Variants in OXSR1 observed in about 807,000 individuals in gnomAD.
OXSR1 encodes oxidative stress responsive kinase 1, also known as serine/threonine-protein kinase OSR1.
In OXSR1, 24 loss-of-function variants were observed where a neutral mutation model predicts 79.8. The observed-to-expected ratio is 0.30, with a 90% CI of 0.22 to 0.42. The LOEUF (loss-of-function observed/expected upper bound fraction) is 0.42, where lower values mean the gene tolerates loss of function less well. OXSR1 is among the 10% of genes least tolerant of loss of function. The pLI, the probability that OXSR1 is intolerant of heterozygous loss-of-function variation, is 1.00. For missense variants in OXSR1, 430 were observed against 618.4 expected (o/e 0.70, Z 3.23); for synonymous variants, 226 against 209.2 (o/e 1.08, Z -0.69).
At chr3:38,242,419 T>C (rs1302311888) in intron 11 of OXSR1, among the ~76,000 whole-genome samples, 2 of 152,200 alleles carry the variant, frequency 1.3e-5, no homozygotes, top group Non-Finnish European at 2.9e-5. Flanking sequence ...ATACATAATA[T>C]GTTCACGATT....
At chr3:38,231,556 T>G (rs1334772207) in intron 10 of OXSR1, among the ~76,000 whole-genome samples, 1 of 152,168 alleles carries the variant, frequency 6.6e-6, no homozygotes, top group Non-Finnish European at 1.5e-5. Flanking sequence ...CTCTATCCCT[T>G]TACCCTACTT....
intron 1 of OXSR1, among the ~76,000 whole-genome samples, chr3:38,170,079 C>G (rs775227593): frequency 5.3e-5 from 8 of 151,960 alleles, no homozygotes; most frequent in Non-Finnish European, 1.0e-4. Flanking sequence ...GAGTCTTACT[C>G]TGTCGCCCAG....
At chr3:38,196,034 G>A (rs1023660777) in intron 3 of OXSR1, among the ~76,000 whole-genome samples, 3 of 152,138 alleles carry the variant, frequency 2.0e-5, no homozygotes, top group Non-Finnish European at 4.4e-5. Flanking sequence ...CCCTACCTCA[G>A]TTCTCTTGAA....
intron 4 of OXSR1, among the ~76,000 whole-genome samples, chr3:38,205,608 T>C (rs1702251295): frequency 6.6e-6 from 1 of 152,196 alleles, no homozygotes. Flanking sequence ...GATGACCTTC[T>C]CCTGCTGGTC....
intron 1 of OXSR1, among the ~76,000 whole-genome samples, chr3:38,177,965 T>C (rs762483834): frequency 7.9e-5 from 12 of 152,204 alleles, no homozygotes; most frequent in Non-Finnish European, 1.8e-4. Flanking sequence ...TGTTTGGTTT[T>C]TGAGACAGAG....
At chr3:38,198,516 A>C (rs993349208) in intron 3 of OXSR1, among the ~76,000 whole-genome samples, 3 of 152,348 alleles carry the variant, frequency 2.0e-5, no homozygotes, top group South Asian at 4.1e-4. Flanking sequence ...TACTATTTGA[A>C]TATCAGCCAG....
chr3:38,190,283 G>T (rs1287043760), intron 2 of OXSR1, among the ~76,000 whole-genome samples: 2 of 151,832 alleles, frequency 1.3e-5, no homozygotes, highest in African/African-American at 4.8e-5. Context: ...TTTCTCTTTA[G>T]TGTGAGAATT....
upstream of OXSR1, among the ~76,000 whole-genome samples, chr3:38,164,322 T>C (rs2125792775): frequency 6.6e-6 from 1 of 152,284 alleles, no homozygotes; most frequent in Non-Finnish European, 1.5e-5. Flanking sequence ...TTTTTCTGTA[T>C]TTTAGTAGAG....
chr3:38,164,814 G>C (rs1251021652), upstream of OXSR1, among the ~76,000 whole-genome samples: 1 of 152,176 alleles, frequency 6.6e-6, no homozygotes, highest in South Asian at 2.1e-4. Context: ...AGTGCAGGGT[G>C]GACCCGCGAG....
intron 6 of OXSR1, among the ~76,000 whole-genome samples, chr3:38,222,468 A>G (rs754286512): frequency 9.2e-5 from 14 of 152,066 alleles, no homozygotes; most frequent in Non-Finnish European, 1.9e-4. Context: ...TTGGGCTAGG[A>G]GACATTATCT....
chr3:38,165,421 C>A (rs35259471), upstream of OXSR1: 4 of 177,532 alleles, frequency 2.3e-5, no homozygotes, highest in Non-Finnish European at 4.8e-5. Flanking sequence ...AGCTTGCTCA[C>A]TTTACATCCA....
At chr3:38,206,223 C>T (rs1702261626) in intron 4 of OXSR1, among the ~76,000 whole-genome samples, 1 of 152,036 alleles carries the variant, frequency 6.6e-6, no homozygotes, top group Non-Finnish European at 1.5e-5. Flanking sequence ...TTTGCTCAAG[C>T]TTATACAATG....
rs556245138 is a variant in OXSR1 at position 38,170,482 on chromosome 3, T to C, written c.70+4536T>C. Among the ~76,000 whole-genome samples, 3 of 152,336 alleles carry C rather than the reference T, an allele frequency of 2.0e-5. No individual in the cohort carries two copies. In the East Asian group the frequency reaches 5.8e-4, roughly 29 times the overall value. On this transcript the variant is annotated intron_variant, in intron 1 of 17. Transcript: ENST00000311806. ...ACTAACCCAACATTGTGAAGATTTTTTTTTCCTGTTTTTTTTTAAGTGTTA... is the reference window on the plus strand; with the variant it reads ...ACTAACCCAACATTGTGAAGATTTTCTTTTCCTGTTTTTTTTTAAGTGTTA...
rs145619504 is a variant in OXSR1 at position 38,254,128 on chromosome 3, G to A, written c.*1237G>A. 6,955 of 398,516 alleles carry A rather than the reference G, an allele frequency of 0.017. 102 individuals are homozygous for A. The highest frequency in any genetic ancestry group is 0.021 in the Non-Finnish European group (4,770 of 225,780). The allele number at this position is 398,516 out of a possible 1,614,324, so 24.7% of individuals were successfully genotyped here. On this transcript the variant is annotated 3_prime_UTR_variant, in exon 18 of 18. Transcript: ENST00000311806. ...TTGTCTAACTGCTAGTAACCCTACC[G>A]AGTTTTATATATGAGTGGGATACTC...
At chr3:38,213,212 C>A (rs1213242731) in intron 4 of OXSR1, among the ~76,000 whole-genome samples, 1 of 152,156 alleles carries the variant, frequency 6.6e-6, no homozygotes, top group Non-Finnish European at 1.5e-5. Flanking sequence ...TAAGTCTTCT[C>A]AGCATCACTG....
At chr3:38,175,332 G>C (rs1005037538) in intron 1 of OXSR1, among the ~76,000 whole-genome samples, 4 of 152,018 alleles carry the variant, frequency 2.6e-5, no homozygotes, top group Non-Finnish European at 5.9e-5. Flanking sequence ...TTGAGGTGGG[G>C]TCTCGCTCTG....
chr3:38,219,920 A>G (rs114181051), intron 5 of OXSR1, among the ~76,000 whole-genome samples: 2,448 of 151,964 alleles, frequency 0.016, 70 homozygotes, highest in African/African-American at 0.054. Context: ...CAGTCCTCCT[A>G]CCTCAGCCTC....
At chr3:38,201,596 G>C (rs1197241688) in intron 4 of OXSR1, among the ~76,000 whole-genome samples, 1 of 152,118 alleles carries the variant, frequency 6.6e-6, no homozygotes, top group Non-Finnish European at 1.5e-5. Context: ...TGTAGTCCTA[G>C]CTACTCAGGA....
At position 38,225,858 on chromosome 3, in the gene OXSR1, T is replaced by C. The variant is rs555813765; in HGVS notation, c.836+1154T>C. Among the ~76,000 whole-genome samples the C allele has an allele frequency of 3.3e-5, 5 of 152,272 alleles. No homozygotes were observed. The East Asian group carries it at 7.7e-4, about 23-fold the overall frequency. ...CCATGTGAAAACTGGAAGTGAGATC[T>C]TGGGTCCACCCAGTGGGGAGTTTGA... On this transcript the variant is annotated intron_variant, in intron 8 of 17. Transcript: ENST00000311806.
Sources: allele counts gnomAD v4.1 joint callset (sites outside exome capture counted in the v4.1 genomes callset), GRCh38; gene constraint gnomAD v4.1.1; transcripts MANE v1.5; gene names NCBI Gene and HGNC (gene_info 2026-07-23, HGNC 2026-07-21).